TMEM132B: variants seen among roughly 807,000 people sequenced by gnomAD.
The protein encoded by TMEM132B is transmembrane protein 132B.
In TMEM132B, 18 loss-of-function variants were observed where a neutral mutation model predicts 90.8. The observed-to-expected ratio is 0.20, with a 90% confidence interval of 0.14 to 0.29. The LOEUF (loss-of-function observed/expected upper bound fraction) is 0.29, where lower values mean the gene tolerates loss of function less well. Ranked by LOEUF, TMEM132B falls within the 10% of genes least tolerant of loss-of-function variation. The probability of loss-of-function intolerance (pLI) is 1.00; values close to 1 mark genes in which losing one functional copy is unlikely to be tolerated. For missense variants in TMEM132B, 1,096 were observed against 1,326.8 expected (o/e 0.83, Z 2.70); for synonymous variants, 504 against 523.3 (o/e 0.96, Z 0.50).
At chr12:125,618,445 C>G (rs1311151002) in intron 5 of TMEM132B, among the ~76,000 whole-genome samples, 1 of 152,158 alleles carries the variant, frequency 6.6e-6, no homozygotes, top group Non-Finnish European at 1.5e-5. Flanking sequence ...ACAGCTACAC[C>G]TGGCGTATGG....
At chr12:125,227,182 C>G (rs1337350442) in intron 1 of TMEM132B, among the ~76,000 whole-genome samples, 1 of 152,194 alleles carries the variant, frequency 6.6e-6, no homozygotes, top group Admixed American at 6.5e-5. Flanking sequence ...CTGCAGTGTT[C>G]TGTGCCACAG....
intron 3 of TMEM132B, among the ~76,000 whole-genome samples, chr12:125,431,194 T>C (rs1880492906): frequency 6.6e-6 from 1 of 152,114 alleles, no homozygotes; most frequent in African/African-American, 2.4e-5. Flanking sequence ...TTGAAAGATC[T>C]GCTTGGAGGA....
At chr12:125,224,193 T>C (rs1873625219) in intron 1 of TMEM132B, among the ~76,000 whole-genome samples, 1 of 152,240 alleles carries the variant, frequency 6.6e-6, no homozygotes, top group Non-Finnish European at 1.5e-5. Context: ...CATTTGTTGA[T>C]AGACATTTGG....
chr12:125,506,153 G>A (rs1882843805), intron 3 of TMEM132B, among the ~76,000 whole-genome samples: 1 of 152,226 alleles, frequency 6.6e-6, no homozygotes, highest in South Asian at 2.1e-4. Flanking sequence ...TAAACGAATT[G>A]TAAACTTCTG....
intron 4 of TMEM132B, among the ~76,000 whole-genome samples, chr12:125,562,818 C>T (rs1884566166): frequency 6.6e-6 from 1 of 152,102 alleles, no homozygotes; most frequent in African/African-American, 2.4e-5. Flanking sequence ...TGCCTTTCAC[C>T]TTATGCCACG....
Position 125,659,259 on chromosome 12 carries a change from T to C in TMEM132B, c.*4549T>C, listed in dbSNP as rs1887149881. ...CCTAGTAGGCTGGGGAAAGCTTCTC[T>C]CCAGATGTCTCAGAAAAAGATCTCC... On this transcript the variant is annotated 3_prime_UTR_variant, in exon 9 of 9. Transcript: ENST00000682704. 6.6e-6 allele frequency: 1 copy of C among 152,234 alleles called. No individual in the cohort carries two copies. Among genetic ancestry groups the C allele is most frequent in the Non-Finnish European group, 1.5e-5 (1 of 68,050 alleles). The allele number at this position is 152,234 out of a possible 1,614,324, so 9.4% of individuals were successfully genotyped here.
At chr12:125,189,116 C>G (rs1293918820) in intron 1 of TMEM132B, among the ~76,000 whole-genome samples, 2 of 152,318 alleles carry the variant, frequency 1.3e-5, no homozygotes, top group African/African-American at 2.4e-5. Context: ...CACCCCCCTT[C>G]CTGCGTGGGT....
At chr12:125,495,786 CATCCCTGTGAT>C (rs1882545982) in intron 3 of TMEM132B, among the ~76,000 whole-genome samples, 1 of 152,182 alleles carries the variant, frequency 6.6e-6, no homozygotes, top group African/African-American at 2.4e-5. Context: ...ATGGATAGAC[CATCCCTGTGAT>C]ATCACAAATG....
At chr12:125,499,102 TAAG>T (rs1339856882) in intron 3 of TMEM132B, among the ~76,000 whole-genome samples, 1 of 152,192 alleles carries the variant, frequency 6.6e-6, no homozygotes, top group Non-Finnish European at 1.5e-5. Context: ...CAGCTGCAAA[TAAG>T]AAGCTCCTAA....
chr12:125,321,523 G>A (rs1307039493), intron 1 of TMEM132B, among the ~76,000 whole-genome samples: 1 of 149,550 alleles, frequency 6.7e-6, no homozygotes, highest in Non-Finnish European at 1.5e-5. Flanking sequence ...TGTTGCTCAG[G>A]CTGGAGTTCA....
intron 1 of TMEM132B, among the ~76,000 whole-genome samples, chr12:125,280,295 A>T (rs1489591320): frequency 6.6e-6 from 1 of 152,240 alleles, no homozygotes; most frequent in Admixed American, 6.5e-5. Flanking sequence ...TGATCTGATC[A>T]CCATGCATTA....
intron 2 of TMEM132B, among the ~76,000 whole-genome samples, chr12:125,382,110 G>C (rs971651212): frequency 1.3e-5 from 2 of 152,154 alleles, no homozygotes; most frequent in Non-Finnish European, 2.9e-5. Flanking sequence ...TCTGTTGTTT[G>C]CACACAGGTA....
At chr12:125,279,140 T>A (rs1875088217) in intron 1 of TMEM132B, among the ~76,000 whole-genome samples, 1 of 152,226 alleles carries the variant, frequency 6.6e-6, no homozygotes, top group African/African-American at 2.4e-5. Flanking sequence ...CTGGGTCAGC[T>A]GATCACATGT....
intron 4 of TMEM132B, among the ~76,000 whole-genome samples, chr12:125,561,970 T>C (rs1884543531): frequency 6.6e-6 from 1 of 152,194 alleles, no homozygotes; most frequent in Non-Finnish European, 1.5e-5. Flanking sequence ...GCTTCTCTTC[T>C]CTAGCGATCC....
chr12:125,360,751 T>A (rs1407065727), intron 2 of TMEM132B, among the ~76,000 whole-genome samples: 1 of 151,288 alleles, frequency 6.6e-6, no homozygotes, highest in African/African-American at 2.4e-5. Context: ...GATGGGCAGG[T>A]TTTGGATCAA....
intron 2 of TMEM132B, among the ~76,000 whole-genome samples, chr12:125,369,126 G>T (rs1878220876): frequency 6.6e-6 from 1 of 152,048 alleles, no homozygotes; most frequent in Non-Finnish European, 1.5e-5. Flanking sequence ...GTGGTGTTTG[G>T]TTTTCTGTAC....
At chr12:125,635,312 GC>G (rs1414651813) in intron 5 of TMEM132B, among the ~76,000 whole-genome samples, 1 of 151,976 alleles carries the variant, frequency 6.6e-6, no homozygotes, top group Admixed American at 6.6e-5. Context: ...CCCCCAACAG[GC>G]CCAGTGTGTG....
intron 3 of TMEM132B, among the ~76,000 whole-genome samples, chr12:125,456,080 C>G (rs560284679): frequency 6.6e-6 from 1 of 152,096 alleles, no homozygotes; most frequent in Admixed American, 6.5e-5. Flanking sequence ...AGTGGCAGGC[C>G]GAATTTGGCC....
At chr12:125,409,498 C>T (rs1023616600) in intron 2 of TMEM132B, among the ~76,000 whole-genome samples, 5 of 152,064 alleles carry the variant, frequency 3.3e-5, no homozygotes, top group African/African-American at 7.2e-5. Flanking sequence ...AAGACTGAGG[C>T]GAGCGAGAAA....
Sources: gnomAD v4.1 joint callset for allele counts (sites outside exome capture counted in the v4.1 genomes callset) on GRCh38, gnomAD v4.1.1 for gene constraint, MANE v1.5 for transcripts, NCBI Gene and HGNC (gene_info 2026-07-23, HGNC 2026-07-21) for gene names.